Variants in PLCB1 observed in about 807,000 individuals in gnomAD.
PLCB1 encodes the protein phospholipase C beta 1.
Under a neutral mutation model 161.8 loss-of-function variants are expected in PLCB1, and 46 were observed. The ratio of observed to expected loss-of-function variants is 0.28; its 90% CI spans 0.22 to 0.36. PLCB1 has a LOEUF of 0.36. Ranked by LOEUF, PLCB1 falls within the 10% of genes least tolerant of loss-of-function variation. The pLI is 1.00. For missense variants in PLCB1, 1,016 were observed against 1,472.5 expected (o/e 0.69, Z 5.07); for synonymous variants, 517 against 503.7 (o/e 1.03, Z -0.35).
intron 31 of PLCB1, chr20:8,792,537 T>C (rs1416430917): frequency 2.1e-6 from 1 of 471,026 alleles, no homozygotes; most frequent in African/African-American, 2.0e-5. Context: ...TCTGAAGTGT[T>C]TCTATGAATT....
chr20:8,760,529 G>C, intron 25 of PLCB1, 69 bp downstream of exon 25: 1 of 1,077,068 alleles, frequency 9.3e-7, no homozygotes, highest in East Asian at 2.4e-5. Context: ...ATTTAGAGGA[G>C]AGGAAATTTC....
chr20:8,801,783 A>T (rs954772529), intron 31 of PLCB1, among the ~76,000 whole-genome samples: 1 of 152,122 alleles, frequency 6.6e-6, no homozygotes, highest in Non-Finnish European at 1.5e-5. Flanking sequence ...AGAATATCTC[A>T]AAAGTAACAG....
chr20:8,623,100 A>ACT (rs937202986), intron 3 of PLCB1, among the ~76,000 whole-genome samples: 2 of 151,390 alleles, frequency 1.3e-5, no homozygotes, highest in African/African-American at 4.9e-5. Flanking sequence ...AGCTCTCGAA[A>ACT]CTGCATTAAA....
rs115550664 is a variant in PLCB1 at position 8,410,720 on chromosome 20, T to C, written c.246+39270T>C. Among the ~76,000 whole-genome samples, 1,173 of 152,262 alleles carry C rather than the reference T, an allele frequency of 7.7e-3. 24 individuals are homozygous for C. The highest frequency in any genetic ancestry group is 0.026 in the African/African-American group (1,088 of 41,538). ...TGTCCATGTCCTAATTCTCAGAACC[T>C]ATGAATGACACCTTATTTGGAAAAA... On this transcript the variant is annotated intron_variant, in intron 3 of 31. Transcript: ENST00000338037.
chr20:8,745,643 A>G lies in PLCB1; in HGVS notation c.2523+4070A>G, dbSNP rs140456485. 5.2e-3 allele frequency among the ~76,000 whole-genome samples: 792 copies of G among 152,034 alleles called. 5 individuals carry two copies. Among genetic ancestry groups the G allele is most frequent in the African/African-American group, 0.018 (756 of 41,502 alleles). On this transcript the variant is annotated intron_variant, in intron 23 of 31. Transcript: ENST00000338037. The stretch of plus-strand genomic sequence containing the variant: ...ATAATATATGTATAATATTTAGGTT[A>G]TGTATTATCTGAATAATGGTTGGAA...
chr20:8,259,066 A>G (rs1436495243), intron 2 of PLCB1, among the ~76,000 whole-genome samples: 1 of 152,192 alleles, frequency 6.6e-6, no homozygotes, highest in East Asian at 1.9e-4. Context: ...TTCATGTAGC[A>G]TAACGCCTTT....
intron 2 of PLCB1, among the ~76,000 whole-genome samples, chr20:8,356,510 T>C (rs80300461): frequency 0.018 from 2,749 of 152,232 alleles, 85 homozygotes; most frequent in African/African-American, 0.061. Flanking sequence ...AGGAGGAAGG[T>C]ATCAAATCTA....
intron 2 of PLCB1, among the ~76,000 whole-genome samples, chr20:8,156,684 C>G (rs2123042886): frequency 6.6e-6 from 1 of 152,310 alleles, no homozygotes; most frequent in South Asian, 2.1e-4. Context: ...CAGTCTGGCT[C>G]TGCTGTGTAT....
chr20:8,279,770 A>T (rs867407920), intron 2 of PLCB1, among the ~76,000 whole-genome samples: 19 of 152,208 alleles, frequency 1.2e-4, no homozygotes, highest in African/African-American at 3.6e-4. Context: ...ACATAAAATT[A>T]ATTGTATGTA....
At chr20:8,462,316 C>A (rs1399853486) in intron 3 of PLCB1, among the ~76,000 whole-genome samples, 1 of 152,054 alleles carries the variant, frequency 6.6e-6, no homozygotes, top group Non-Finnish European at 1.5e-5. Flanking sequence ...TATTGATAGT[C>A]CTCTTATCAC....
rs1326025334 is a variant in PLCB1 at position 8,190,876 on chromosome 20, G to A, written c.177+40505G>A. On this transcript the variant is annotated intron_variant, in intron 2 of 31. Coordinates refer to ENST00000338037, the MANE Select transcript of PLCB1 (RefSeq NM_015192.4). ...AATGTCCTTTCTCAAGTGAATGACC[G>A]GGTCCGGTGGAGAAGCTGGCTGATT... Among the ~76,000 whole-genome samples, 3 of 152,064 alleles carry A rather than the reference G, an allele frequency of 2.0e-5. 1 individual carries two copies. The highest frequency in any genetic ancestry group is 7.2e-5 in the African/African-American group (3 of 41,420).
At chr20:8,624,474 CT>C (rs1205967658) in intron 3 of PLCB1, among the ~76,000 whole-genome samples, 1 of 152,088 alleles carries the variant, frequency 6.6e-6, no homozygotes, top group Non-Finnish European at 1.5e-5. Flanking sequence ...ATAAAATAAC[CT>C]TTTTAAAAAG....
rs6055758 is a variant in PLCB1, at chr20:8,340,583, C to T, written c.178-30799C>T. ...GACTACAGGCGCCCGCCACCACGCC[C>T]GGCTAATTTTTTTGTGTTTTTTAGT... is the stretch of plus-strand genomic sequence containing the variant. On this transcript the variant is annotated intron_variant, in intron 2 of 31. Transcript: ENST00000338037. Among the ~76,000 whole-genome samples, 509 of 152,002 alleles carry T rather than the reference C, an allele frequency of 3.3e-3. 2 individuals carry two copies. The highest frequency in any genetic ancestry group is 0.011 in the African/African-American group (472 of 41,490).
intron 2 of PLCB1, among the ~76,000 whole-genome samples, chr20:8,257,103 A>G (rs1408688630): frequency 1.3e-5 from 2 of 152,156 alleles, no homozygotes; most frequent in African/African-American, 4.8e-5. Flanking sequence ...TACCTCTAAA[A>G]GTTCTAGGTT....
intron 2 of PLCB1, among the ~76,000 whole-genome samples, chr20:8,194,769 A>G (rs117572345): frequency 0.021 from 3,243 of 152,150 alleles, 45 homozygotes; most frequent in Admixed American, 0.034. Context: ...TTTTCTCTCA[A>G]AAAGATTTGG....
At chr20:8,140,902 G>A (rs537631895) in intron 1 of PLCB1, among the ~76,000 whole-genome samples, 6 of 152,084 alleles carry the variant, frequency 3.9e-5, no homozygotes, top group Middle Eastern at 3.4e-3. Context: ...CGGTTCAAGC[G>A]ATTTTCCTGC....
At chr20:8,271,180 T>C (rs188226938) in intron 2 of PLCB1, among the ~76,000 whole-genome samples, 11 of 152,284 alleles carry the variant, frequency 7.2e-5, no homozygotes, top group Admixed American at 6.5e-4. Context: ...TTGGTTTGCC[T>C]AGAAGAAATG....
At chr20:8,788,604 T>C in intron 28 of PLCB1, 29 bp from the exon 29 acceptor site, 1 of 1,598,154 alleles carries the variant, frequency 6.3e-7, no homozygotes, top group Non-Finnish European at 8.6e-7. Flanking sequence ...TTGCCTCTTT[T>C]TTCTCTTTTA....
chr20:8,482,844 A>G (rs1401897175), intron 3 of PLCB1, among the ~76,000 whole-genome samples: 1 of 152,098 alleles, frequency 6.6e-6, no homozygotes, highest in Non-Finnish European at 1.5e-5. Flanking sequence ...ATGTGAGGGT[A>G]TTATGGATGG....
Sources: gnomAD v4.1 joint callset for allele counts (sites outside exome capture counted in the v4.1 genomes callset) on GRCh38, gnomAD v4.1.1 for gene constraint, MANE v1.5 for transcripts, NCBI Gene and HGNC (gene_info 2026-07-23, HGNC 2026-07-21) for gene names.